ETV5: variants seen among roughly 807,000 people sequenced by gnomAD.
ETV5 encodes ETS translocation variant 5.
A neutral mutation model predicts 70.0 loss-of-function variants in ETV5; 10 were observed. That is an observed-to-expected ratio of 0.14 (90% CI 0.09 to 0.24). The LOEUF (loss-of-function observed/expected upper bound fraction) is 0.24, where lower values mean the gene tolerates loss of function less well. Ranked by LOEUF, ETV5 falls within the 10% of genes least tolerant of loss-of-function variation. The pLI is 1.00. For synonymous variants in ETV5, 216 were observed against 242.2 expected, an observed-to-expected ratio of 0.89 and a Z score of 1.01; for missense variants, 453 against 651.2, an observed-to-expected ratio of 0.70 and a Z score of 3.31.
intron 5 of ETV5, among the ~76,000 whole-genome samples, chr3:186,098,628 A>G (rs1225098747): frequency 1.3e-5 from 2 of 152,218 alleles, no homozygotes; most frequent in Admixed American, 1.3e-4. Context: ...TTTGCAAAGT[A>G]CAAGGCAAAA....
chr3:186,101,208 A>G (rs1047458746), intron 5 of ETV5, among the ~76,000 whole-genome samples: 1 of 152,240 alleles, frequency 6.6e-6, no homozygotes, highest in Non-Finnish European at 1.5e-5. Context: ...ACACTTTTTC[A>G]TATATAGGAA....
At chr3:186,064,770 G>GAGCCA (rs1713400001) in intron 8 of ETV5, among the ~76,000 whole-genome samples, 1 of 152,230 alleles carries the variant, frequency 6.6e-6, no homozygotes. Flanking sequence ...TCTGGTGAAA[G>GAGCCA]AGCCAATGGC....
intron 5 of ETV5, among the ~76,000 whole-genome samples, chr3:186,093,424 G>A (rs1220738225): frequency 6.6e-6 from 1 of 152,150 alleles, no homozygotes; most frequent in Non-Finnish European, 1.5e-5. Context: ...CTTCTGCTAA[G>A]CATGGCTCAA....
chr3:186,070,279 T>C (rs900257305), intron 7 of ETV5, among the ~76,000 whole-genome samples: 1 of 152,232 alleles, frequency 6.6e-6, no homozygotes, highest in Non-Finnish European at 1.5e-5. Flanking sequence ...CGAGATGGCA[T>C]GTGCCGCTCA....
chr3:186,076,152 T>TC, intron 7 of ETV5, among the ~76,000 whole-genome samples: 1 of 152,220 alleles, frequency 6.6e-6, no homozygotes, highest in East Asian at 1.9e-4. Context: ...ACATGTCTTT[T>TC]CCCCTCTCCT....
intron 5 of ETV5, among the ~76,000 whole-genome samples, chr3:186,102,061 T>C (rs1009011907): frequency 6.6e-6 from 1 of 152,188 alleles, no homozygotes; most frequent in Admixed American, 6.5e-5. Flanking sequence ...AGCAATGGTT[T>C]CATTCACTCA....
intron 5 of ETV5, chr3:186,084,341 A>C (rs974106118): frequency 5.3e-6 from 2 of 379,174 alleles, no homozygotes; most frequent in Non-Finnish European, 1.0e-5. Context: ...TTCTGCAATT[A>C]GAAACTTTGA....
rs200148619 is a variant in ETV5, at chr3:186,069,114, T to TCTG, written c.651-3043_651-3042insCAG. On this transcript the variant is annotated intron_variant, in intron 7 of 12. Transcript: ENST00000306376. ...TAAACTGAAGAGATCTGTGTACAGA[T>TCTG]AGAACACTGTTTACATCAGGGTATA... Among the ~76,000 whole-genome samples the TCTG allele has an allele frequency of 1.0e-2, 1,518 of 152,332 alleles. 25 individuals are homozygous for TCTG. Among genetic ancestry groups the TCTG allele is most frequent in the African/African-American group, 0.034 (1,430 of 41,558 alleles).
At chr3:186,055,528 A>G (rs1713138382) in intron 11 of ETV5, among the ~76,000 whole-genome samples, 1 of 152,234 alleles carries the variant, frequency 6.6e-6, no homozygotes, top group African/African-American at 2.4e-5. Context: ...ACCGAATAGA[A>G]GCTGTTTAAT....
In ETV5 at chr3:186,105,289, C is replaced by G; in HGVS notation, c.232+16G>C. The stretch of plus-strand genomic sequence containing the variant: ...CAATTTCAGAACAAATGTGCCATCA[C>G]CAGAAAGGTACTTACGGTTATCAGA... On this transcript the variant is annotated intron_variant, in intron 5 of 12. Transcript: ENST00000306376. This position sits in a 1 kb window ranked among gnomAD's most constrained non-coding sequence, Gnocchi z 4.5. 1.9e-6 allele frequency: 3 copies of G among 1,605,946 alleles called. No homozygotes were observed. Among genetic ancestry groups the G allele is most frequent in the Non-Finnish European group, 2.5e-6 (3 of 1,177,238 alleles).
chr3:186,107,872 C>T (rs1037361550), intron 1 of ETV5, among the ~76,000 whole-genome samples: 7 of 152,090 alleles, frequency 4.6e-5, no homozygotes, highest in Non-Finnish European at 8.8e-5. Context: ...AATTCTCAGC[C>T]TTCCCCATTC....
At chr3:186,061,154 A>T in intron 9 of ETV5, among the ~76,000 whole-genome samples, 1 of 152,230 alleles carries the variant, frequency 6.6e-6, no homozygotes, top group East Asian at 1.9e-4. Flanking sequence ...CCAATGCTTC[A>T]TGAGTATCAG....
intron 5 of ETV5, among the ~76,000 whole-genome samples, chr3:186,082,323 G>C (rs999791978): frequency 3.9e-5 from 6 of 152,060 alleles, no homozygotes; most frequent in African/African-American, 1.2e-4. Flanking sequence ...TGGTGACCCA[G>C]TAACATTTTC....
chr3:186,105,781 T>G lies in ETV5; in HGVS notation c.45+43A>C. 1 of 1,610,998 alleles carries G rather than the reference T, an allele frequency of 6.2e-7. No individual in the cohort carries two copies. The highest frequency in any genetic ancestry group is 1.1e-5 in the South Asian group (1 of 91,006). ...AGGTCCACAGGGGGAAGACTCATAT[T>G]GGAGAGGGAGGACAAAACAAACCAA... On this transcript the variant is annotated intron_variant, in intron 2 of 12. Coordinates refer to ENST00000306376, the MANE Select transcript of ETV5 (RefSeq NM_004454.3). This position sits in a 1 kb window ranked among gnomAD's most constrained non-coding sequence, Gnocchi z 4.5.
intron 1 of ETV5, among the ~76,000 whole-genome samples, chr3:186,106,332 G>C (rs1454681785): frequency 1.3e-5 from 2 of 152,158 alleles, no homozygotes; most frequent in Non-Finnish European, 2.9e-5. Flanking sequence ...TTTAATTTTT[G>C]ACAGTACAGT....
chr3:186,064,594 C>T lies in ETV5; in HGVS notation c.911-118G>A, dbSNP rs1375719544. The stretch of plus-strand genomic sequence containing the variant: ...TAAACTTCCTGCTCTGGGGTCATGT[C>T]TTTCTGGCTTTGTCCTGGGAAAGAG... On this transcript the variant is annotated intron_variant, in intron 8 of 12. Transcript: ENST00000306376. 19 of 979,272 alleles carry T rather than the reference C, an allele frequency of 1.9e-5. 1 individual carries two copies. Among genetic ancestry groups the T allele is most frequent in the Non-Finnish European group, 2.4e-5 (15 of 612,840 alleles). The allele number at this position is 979,272 out of a possible 1,614,324, so 60.7% of individuals were successfully genotyped here.
At chr3:186,075,920 G>A (rs76600412) in intron 7 of ETV5, among the ~76,000 whole-genome samples, 2,802 of 152,160 alleles carry the variant, frequency 0.018, 86 homozygotes, top group African/African-American at 0.065. Flanking sequence ...TGAATTGCAG[G>A]GCTTTCCTCA....
intron 9 of ETV5, among the ~76,000 whole-genome samples, chr3:186,058,210 G>A (rs114459494): frequency 0.017 from 2,643 of 152,206 alleles, 38 homozygotes; most frequent in Non-Finnish European, 0.026. Flanking sequence ...AAGGAAGGAT[G>A]GCCTGACAGT....
intron 7 of ETV5, among the ~76,000 whole-genome samples, chr3:186,075,638 T>C (rs1713765856): frequency 6.6e-6 from 1 of 152,196 alleles, no homozygotes; most frequent in South Asian, 2.1e-4. Flanking sequence ...GCTTAGGCTG[T>C]TTCCTCCTTC....
Sources: gnomAD v4.1 joint callset for allele counts (sites outside exome capture counted in the v4.1 genomes callset) on GRCh38, gnomAD v4.1.1 for gene constraint, Gnocchi (gnomAD v3.1) non-coding constraint, MANE v1.5 for transcripts, NCBI Gene and HGNC (gene_info 2026-07-23, HGNC 2026-07-21) for gene names.